SCARA3: variants seen among roughly 807,000 people sequenced by gnomAD.
SCARA3 encodes the protein cellular stress response gene protein.
SCARA3 carries 39 observed loss-of-function variants against 47.0 expected under a neutral mutation model. The observed-to-expected ratio is 0.83, with a 90% CI of 0.64 to 1.08. The LOEUF is 1.08. Among genes scored for constraint, SCARA3 ranks in the 50% least tolerant of loss-of-function variants. The pLI, the probability that SCARA3 is intolerant of heterozygous loss-of-function variation, is 0.00. For missense variants in SCARA3, 724 were observed against 792.3 expected (o/e 0.91, Z 1.04); for synonymous variants, 356 against 334.1 (o/e 1.07, Z -0.71).
At chr8:27,724,187 T>C in the SCARA3 span, among the ~76,000 whole-genome samples, 9 of 152,244 alleles carry the variant, frequency 5.9e-5, no homozygotes, top group African/African-American at 1.9e-4. Context: ...TAGGAGTCAA[T>C]ACAAGTTCTC....
At chr8:27,710,898 A>G in the SCARA3 span, among the ~76,000 whole-genome samples, 1 of 150,132 alleles carries the variant, frequency 6.7e-6, no homozygotes, top group Non-Finnish European at 1.5e-5. Context: ...ATTTCGAGCA[A>G]GAATCTCTCA....
the SCARA3 span, among the ~76,000 whole-genome samples, chr8:27,690,592 C>A: frequency 6.6e-6 from 1 of 151,996 alleles, no homozygotes; most frequent in East Asian, 1.9e-4. Flanking sequence ...TCTTTATGTA[C>A]TGATAAGGAA....
chr8:27,713,850 A>T, the SCARA3 span, among the ~76,000 whole-genome samples: 1 of 152,152 alleles, frequency 6.6e-6, no homozygotes, highest in Non-Finnish European at 1.5e-5. Context: ...CCCTGCCCAA[A>T]TCTTGCATTG....
At chr8:27,709,594 C>A in the SCARA3 span, among the ~76,000 whole-genome samples, 2 of 152,200 alleles carry the variant, frequency 1.3e-5, no homozygotes, top group African/African-American at 4.8e-5. Flanking sequence ...TCAGATTCAA[C>A]TGCTCACCCT....
At chr8:27,634,232 C>T (rs1381594017) in intron 1 of SCARA3, 25 bp downstream of exon 1, 3 of 1,347,092 alleles carry the variant, frequency 2.2e-6, no homozygotes, top group Non-Finnish European at 2.9e-6. Context: ...TCGGGGGCAG[C>T]TCCGAGGGGG....
chr8:27,720,653 CATCCATCCAGCT>C, the SCARA3 span, among the ~76,000 whole-genome samples: 1 of 151,200 alleles, frequency 6.6e-6, no homozygotes, highest in Admixed American at 6.6e-5. Flanking sequence ...TCCATCCATC[CATCCATCCAGCT>C]ATCCATCCAT....
intron 1 of SCARA3, among the ~76,000 whole-genome samples, chr8:27,639,911 C>T (rs1339359565): frequency 2.0e-5 from 3 of 152,076 alleles, no homozygotes; most frequent in Non-Finnish European, 4.4e-5. Context: ...GGCCAGGTTG[C>T]AAGGGCCAGA....
chr8:27,716,920 G>A, the SCARA3 span, among the ~76,000 whole-genome samples: 1 of 152,202 alleles, frequency 6.6e-6, no homozygotes, highest in Non-Finnish European at 1.5e-5. Flanking sequence ...GGCATGGTAA[G>A]AAGAACACGG....
downstream of SCARA3, chr8:27,676,664 A>C (rs1802282688): frequency 1.0e-6 from 1 of 969,110 alleles, no homozygotes; most frequent in Admixed American, 1.8e-5. Flanking sequence ...TTTGTTTACT[A>C]TCCTTAATGG....
downstream of SCARA3, among the ~76,000 whole-genome samples, chr8:27,675,978 G>T (rs374770328): frequency 1.1e-4 from 17 of 152,240 alleles, no homozygotes; most frequent in African/African-American, 4.1e-4. Flanking sequence ...AGAGCCACAG[G>T]TGTAGGAGAT....
chr8:27,720,057 C>T, the SCARA3 span, among the ~76,000 whole-genome samples: 1 of 152,016 alleles, frequency 6.6e-6, no homozygotes, highest in Admixed American at 6.6e-5. Flanking sequence ...AGGAAACGGC[C>T]AGGTCAGAGG....
intron 5 of SCARA3, among the ~76,000 whole-genome samples, chr8:27,666,821 C>T (rs1451195889): frequency 6.6e-6 from 1 of 152,146 alleles, no homozygotes; most frequent in East Asian, 1.9e-4. Context: ...TCACCCCACC[C>T]CCTCCTCCCT....
At chr8:27,705,833 C>T in the SCARA3 span, among the ~76,000 whole-genome samples, 1 of 152,046 alleles carries the variant, frequency 6.6e-6, no homozygotes, top group African/African-American at 2.4e-5. Context: ...GTCTTGAGAC[C>T]AAAAAATCTT....
downstream of SCARA3, among the ~76,000 whole-genome samples, chr8:27,675,952 C>T (rs1802270906): frequency 6.6e-6 from 1 of 152,100 alleles, no homozygotes; most frequent in South Asian, 2.1e-4. Flanking sequence ...GATTCTGACG[C>T]CCCAGATAAA....
chr8:27,702,185 A>G, the SCARA3 span: 1 of 152,106 alleles, frequency 6.6e-6, no homozygotes, highest in African/African-American at 2.4e-5. Context: ...CTCCCATGTC[A>G]TTGGTGTTCT....
the SCARA3 span, among the ~76,000 whole-genome samples, chr8:27,686,712 A>G: frequency 6.6e-6 from 1 of 152,132 alleles, no homozygotes; most frequent in Admixed American, 6.5e-5. Flanking sequence ...GATGCTGCCT[A>G]TAGCAGGTAG....
At chr8:27,699,300 C>A in the SCARA3 span, among the ~76,000 whole-genome samples, 4 of 149,142 alleles carry the variant, frequency 2.7e-5, no homozygotes, top group African/African-American at 9.9e-5. Flanking sequence ...TTTACATATC[C>A]TACACACTTC....
At chr8:27,704,707 G>A in the SCARA3 span, among the ~76,000 whole-genome samples, 18 of 139,268 alleles carry the variant, frequency 1.3e-4, no homozygotes, top group Admixed American at 2.9e-4. Context: ...TTCACAGAGC[G>A]TCTGCAATGG....
chr8:27,690,001 AC>A, the SCARA3 span, among the ~76,000 whole-genome samples: 1 of 152,192 alleles, frequency 6.6e-6, no homozygotes, highest in East Asian at 1.9e-4. Flanking sequence ...TAAACGACTT[AC>A]TTCTAGAGAC....
Sources: gnomAD v4.1 joint callset for allele counts (sites outside exome capture counted in the v4.1 genomes callset) on GRCh38, gnomAD v4.1.1 for gene constraint, MANE v1.5 for transcripts, NCBI Gene and HGNC (gene_info 2026-07-23, HGNC 2026-07-21) for gene names.